Variants in JAK1 observed in about 807,000 individuals in gnomAD.
JAK1 encodes tyrosine-protein kinase JAK1.
Under a neutral mutation model 136.6 loss-of-function variants are expected in JAK1, and 16 were observed. The ratio of observed to expected loss-of-function variants is 0.12; its 90% CI spans 0.08 to 0.18. JAK1 has a LOEUF of 0.18. Ranked by LOEUF, JAK1 falls within the 10% of genes least tolerant of loss-of-function variation. The pLI is 1.00. For missense variants in JAK1, 859 were observed against 1,450.1 expected, an observed-to-expected ratio of 0.59 and a Z score of 6.62; for synonymous variants, 492 against 519.5, an observed-to-expected ratio of 0.95 and a Z score of 0.72.
chr1:64,854,986 C>T (rs1359110542), intron 11 of JAK1, among the ~76,000 whole-genome samples: 1 of 152,212 alleles, frequency 6.6e-6, no homozygotes, highest in Non-Finnish European at 1.5e-5. Flanking sequence ...TTGACCATCC[C>T]TTTCTGTTTG....
chr1:65,036,911 G>A (rs1224214167), intron 2 of JAK1, among the ~76,000 whole-genome samples: 1 of 152,232 alleles, frequency 6.6e-6, no homozygotes, highest in Admixed American at 6.5e-5. Context: ...GAAAAGCTGG[G>A]TGTGGTGGCT....
At chr1:64,866,393 G>C (rs938476046) in intron 7 of JAK1, among the ~76,000 whole-genome samples, 1 of 152,182 alleles carries the variant, frequency 6.6e-6, no homozygotes, top group Non-Finnish European at 1.5e-5. Flanking sequence ...AAATCAATTA[G>C]TCAATTTCAC....
chr1:64,914,754 G>A (rs975931360), intron 1 of JAK1, among the ~76,000 whole-genome samples: 2 of 152,058 alleles, frequency 1.3e-5, no homozygotes, highest in Non-Finnish European at 2.9e-5. Flanking sequence ...AGTAGAGATG[G>A]GGTTTCACCA....
At chr1:64,989,018 A>G (rs1240771008) in intron 2 of JAK1, among the ~76,000 whole-genome samples, 3 of 146,108 alleles carry the variant, frequency 2.1e-5, no homozygotes, top group African/African-American at 7.4e-5. Context: ...ATATATATAT[A>G]TATATATATA....
chr1:64,897,516 GGGGGA>G (rs1205079645), intron 1 of JAK1, among the ~76,000 whole-genome samples: 3 of 3,496 alleles, frequency 8.6e-4, no homozygotes, highest in African/African-American at 1.4e-3. Context: ...GGGAGGGGGA[GGGGGA>G]GGGGGAGGGA....
chr1:64,890,547 GCAGGAGAACTGCTTAAGCCC>G, intron 1 of JAK1, among the ~76,000 whole-genome samples: 1 of 152,272 alleles, frequency 6.6e-6, no homozygotes, highest in African/African-American at 2.4e-5. Context: ...AGAAGTTGAG[GCAGGAGAACTGCTTAAGCCC>G]CAGGAGTTTG....
intron 1 of JAK1, among the ~76,000 whole-genome samples, chr1:64,924,200 G>A (rs145304763): frequency 6.6e-6 from 1 of 152,168 alleles, no homozygotes; most frequent in Non-Finnish European, 1.5e-5. Flanking sequence ...ACAAAATAGT[G>A]TAGTATCTTA....
intron 4 of JAK1, 113 bp downstream of exon 4, chr1:64,878,912 A>G: frequency 9.6e-7 from 1 of 1,039,472 alleles, no homozygotes; most frequent in Non-Finnish European, 1.3e-6. Context: ...CAAAAGTTAC[A>G]AATTACAAAA....
rs1654348305 is a variant in JAK1 at position 64,834,570 on chromosome 1, A to C, written c.3457T>G (p.Leu1153Val). The change falls in exon 25 of 25, where the codon TTA becomes GTA. Residue 1153 changes from leucine (L) to valine (V), a missense_variant. Physicochemically the swap from Leu to Val is conservative, Grantham distance 32. Transcript: ENST00000342505. ...QNLIEGFEAL[L>V]K ...AATGTTATTCATGCTTCTTATTTTA[A>C]AAGTGCTTCAAATCCTTCAATAAGG... 3 of 1,598,466 alleles carry C rather than the reference A, an allele frequency of 1.9e-6. No homozygotes were observed. The East Asian group carries it at 6.7e-5, about 36-fold the overall frequency.
intron 1 of JAK1, among the ~76,000 whole-genome samples, chr1:65,064,176 G>C (rs150077437): frequency 6.6e-6 from 1 of 152,312 alleles, no homozygotes; most frequent in East Asian, 1.9e-4. Context: ...GTAAGCTCAA[G>C]TATGTTTCCA....
chr1:64,834,773 G>A (rs1654365641), intron 24 of JAK1, 116 bp from the exon 25 acceptor site: 1 of 671,774 alleles, frequency 1.5e-6, no homozygotes, highest in Admixed American at 2.7e-5. Flanking sequence ...TTTCCTTAAA[G>A]ACTAGAAAAA....
At chr1:64,976,191 G>A (rs1419853506) in intron 2 of JAK1, among the ~76,000 whole-genome samples, 4 of 152,152 alleles carry the variant, frequency 2.6e-5, no homozygotes, top group Non-Finnish European at 4.4e-5. Context: ...CCTGTAGAAT[G>A]TCATCCCAGC....
intron 22 of JAK1, among the ~76,000 whole-genome samples, chr1:64,836,617 A>G (rs779676264): frequency 6.6e-6 from 1 of 152,132 alleles, no homozygotes; most frequent in Non-Finnish European, 1.5e-5. Flanking sequence ...AGCATTGCCT[A>G]CTTTGCTGAA....
At chr1:65,001,552 G>T (rs1234092051) in intron 2 of JAK1, among the ~76,000 whole-genome samples, 1 of 152,140 alleles carries the variant, frequency 6.6e-6, no homozygotes, top group African/African-American at 2.4e-5. Context: ...GTGTGCGTGT[G>T]TGTGTGGTAG....
rs1644803058 is a variant in JAK1 at position 64,883,287 on chromosome 1, T to C, written c.195A>G (p.Ala65=). Residue 65 remains alanine, a synonymous_variant, in exon 3 of 25, where the codon GCA becomes GCG. Coordinates refer to ENST00000342505, the MANE Select transcript of JAK1 (RefSeq NM_002227.4). ...GCTGCCAGTACTCACGGCATGCCTG[T>C]GCAGCCCTGATGCACAGTTCCTCTG... ...YTAEELCIRA[A]QACRISPLCH... 2 of 1,613,692 alleles carry C rather than the reference T, an allele frequency of 1.2e-6. No homozygotes were observed. The highest frequency in any genetic ancestry group is 1.7e-6 in the Non-Finnish European group (2 of 1,179,674).
At chr1:65,048,506 G>A (rs1046271809) in intron 1 of JAK1, among the ~76,000 whole-genome samples, 2 of 152,146 alleles carry the variant, frequency 1.3e-5, no homozygotes, top group East Asian at 1.9e-4. Context: ...GAGAACACAC[G>A]AGGAAAACAT....
At chr1:64,851,543 G>A (rs1655595537) in intron 11 of JAK1, among the ~76,000 whole-genome samples, 1 of 152,186 alleles carries the variant, frequency 6.6e-6, no homozygotes, top group Non-Finnish European at 1.5e-5. Context: ...CTGACATGGA[G>A]AGGCGCTTAC....
rs562356427 is a variant in JAK1, at chr1:64,834,506, T to A, written c.*56A>T. ...AAATTTTTAAAAAATGACTTGGGCA[T>A]TTGTTGCAGGAGAAGGACTTGATAA... On this transcript the variant is annotated 3_prime_UTR_variant, in exon 25 of 25. Transcript: ENST00000342505. 1 of 1,197,442 alleles carries A rather than the reference T, an allele frequency of 8.4e-7. No homozygotes were observed. The highest frequency in any genetic ancestry group is 1.5e-5 in the African/African-American group (1 of 65,858). 74.2% of individuals were successfully genotyped at this position (1,197,442 alleles called of 1,614,324 possible).
chr1:65,014,846 G>C (rs560823438), intron 2 of JAK1, among the ~76,000 whole-genome samples: 1 of 151,890 alleles, frequency 6.6e-6, no homozygotes, highest in East Asian at 1.9e-4. Context: ...CACCACGCCC[G>C]GCTAATTTTT....
Sources: gnomAD v4.1 joint callset for allele counts (sites outside exome capture counted in the v4.1 genomes callset) on GRCh38, gnomAD v4.1.1 for gene constraint, MANE v1.5 for transcripts, NCBI Gene and HGNC (gene_info 2026-07-23, HGNC 2026-07-21) for gene names.